DNAH11: variants seen among roughly 807,000 people sequenced by gnomAD.
The protein encoded by DNAH11 is axonemal beta dynein heavy chain 11.
DNAH11 carries 442 observed loss-of-function variants against 526.0 expected under a neutral mutation model. That is an observed-to-expected ratio of 0.84 (90% CI 0.78 to 0.91). The LOEUF (loss-of-function observed/expected upper bound fraction) is 0.91, where lower values mean the gene tolerates loss of function less well. DNAH11 is among the 40% of genes least tolerant of loss of function. The pLI is 0.00. For missense variants in DNAH11, 6,989 were observed against 5,448.7 expected (o/e 1.28, Z -8.90); for synonymous variants, 2,461 against 1,935.9 (o/e 1.27, Z -7.12).
At chr7:21,676,118 T>C (rs996239487) in intron 30 of DNAH11, among the ~76,000 whole-genome samples, 4 of 152,158 alleles carry the variant, frequency 2.6e-5, no homozygotes, top group Non-Finnish European at 5.9e-5. Flanking sequence ...TGGAAGACTT[T>C]GTGCTCCAGG....
chr7:21,690,325 A>T (rs1296263628), intron 34 of DNAH11, among the ~76,000 whole-genome samples: 2 of 152,204 alleles, frequency 1.3e-5, no homozygotes, highest in Admixed American at 6.5e-5. Flanking sequence ...GGAGGGAAAG[A>T]GGAAGAGAAG....
chr7:21,813,790 A>G (rs1369975282), intron 63 of DNAH11, among the ~76,000 whole-genome samples: 2 of 152,204 alleles, frequency 1.3e-5, no homozygotes, highest in South Asian at 4.1e-4. Context: ...GAGCCTTACA[A>G]CAGTCTGACT....
chr7:21,823,036 G>A (rs1790123234), intron 65 of DNAH11, among the ~76,000 whole-genome samples: 1 of 130,312 alleles, frequency 7.7e-6, no homozygotes, highest in South Asian at 2.5e-4. Flanking sequence ...TTGATCAGAA[G>A]GATAGTTTGC....
At chr7:21,819,684 C>G (rs1789969980) in intron 65 of DNAH11, among the ~76,000 whole-genome samples, 1 of 152,102 alleles carries the variant, frequency 6.6e-6, no homozygotes, top group African/African-American at 2.4e-5. Flanking sequence ...ACTCTTATTA[C>G]ATATATAGTT....
At position 21,594,098 on chromosome 7, in the gene DNAH11, A is replaced by T. The variant is rs62441723; in HGVS notation, c.2667+2521A>T. Among the ~76,000 whole-genome samples, 935 of 148,070 alleles carry T rather than the reference A, an allele frequency of 6.3e-3. 7 individuals carry two copies. Among genetic ancestry groups the T allele is most frequent in the African/African-American group, 0.015 (596 of 39,888 alleles). ...CACACACACACACACACACACACAC[A>T]CTCTGAAGCCATCATGAAGTAGCAC... On this transcript the variant is annotated intron_variant, in intron 14 of 81. Coordinates refer to ENST00000409508, the MANE Select transcript of DNAH11 (RefSeq NM_001277115.2).
chr7:21,568,978 G>A (rs77278660), intron 6 of DNAH11, among the ~76,000 whole-genome samples: 18,851 of 152,130 alleles, frequency 0.12, 2,346 homozygotes, highest in African/African-American at 0.31. Flanking sequence ...GCACCCTCAT[G>A]TGGAGGTTAA....
intron 62 of DNAH11, among the ~76,000 whole-genome samples, chr7:21,806,733 C>G (rs187380868): frequency 6.6e-6 from 1 of 152,226 alleles, no homozygotes; most frequent in Non-Finnish European, 1.5e-5. Flanking sequence ...TTTTAGCGTA[C>G]ATTGAAACAA....
At position 21,590,947 on chromosome 7, in the gene DNAH11, T is replaced by C. The variant is rs2128443515; in HGVS notation, c.2199T>C (p.Tyr733=). 1 of 1,498,576 alleles carries C rather than the reference T, an allele frequency of 6.7e-7. No homozygotes were observed. The highest frequency in any genetic ancestry group is 8.8e-7 in the Non-Finnish European group (1 of 1,133,762). 92.8% of individuals were successfully genotyped at this position (1,498,576 alleles called of 1,614,324 possible). ...KLVAVLREVK[Y]LLMLKKQDIP... is the part of the protein sequence containing the mutation. ...TGGCTGTATTGAGAGAAGTGAAATA[T>C]CTTTTGATGTTGAAGAAACAAGACA... is the stretch of plus-strand genomic sequence containing the variant. Residue 733 remains tyrosine (Y), a synonymous_variant, in exon 13 of 82, where the codon TAT becomes TAC. Transcript: ENST00000409508.
At chr7:21,755,564 A>G (rs1786594510) in intron 54 of DNAH11, among the ~76,000 whole-genome samples, 1 of 152,180 alleles carries the variant, frequency 6.6e-6, no homozygotes, top group Non-Finnish European at 1.5e-5. Flanking sequence ...TTCATTGGAG[A>G]GAATTTAAAA....
chr7:21,883,724 A>T (rs964690608), intron 75 of DNAH11, among the ~76,000 whole-genome samples: 2 of 152,172 alleles, frequency 1.3e-5, no homozygotes, highest in African/African-American at 4.8e-5. Flanking sequence ...AACATGTTCT[A>T]GGGATGACTC....
At chr7:21,552,714 G>A (rs753852318) in intron 2 of DNAH11, among the ~76,000 whole-genome samples, 2 of 152,068 alleles carry the variant, frequency 1.3e-5, no homozygotes, top group Non-Finnish European at 1.5e-5. Context: ...ACAGTCCAGC[G>A]GTACCATTAT....
rs35003392 is a variant in DNAH11, at chr7:21,868,059, AC to A, written c.11839+57del. The A allele has an allele frequency of 8.2e-3, 9,865 of 1,208,626 alleles. 63 individuals carry two copies. Among genetic ancestry groups the A allele is most frequent in the Middle Eastern group, 0.029 (95 of 3,290 alleles). The allele number at this position is 1,208,626 out of a possible 1,614,324, so 74.9% of individuals were successfully genotyped here. A position where few individuals can be genotyped will look rare whatever the true frequency, so the allele number is the denominator to read the frequency against. On this transcript the variant is annotated intron_variant, in intron 72 of 81. Coordinates refer to ENST00000409508, the MANE Select transcript of DNAH11 (RefSeq NM_001277115.2). ...CGCCCCTTCTCCCTCCCTCCCTTTCACCCCCACCCCTGCCCTTCTTTTCAGT... is the reference window on the plus strand; with the variant it reads ...CGCCCCTTCTCCCTCCCTCCCTTTCACCCCACCCCTGCCCTTCTTTTCAGT...
chr7:21,616,187 T>C (rs192854870), intron 21 of DNAH11, 22 bp from the exon 22 acceptor site: 4 of 1,602,488 alleles, frequency 2.5e-6, no homozygotes, highest in East Asian at 2.2e-5. Flanking sequence ...GTTGACACTT[T>C]TATCTGCTTT....
chr7:21,559,537 T>TTAAAGTC, intron 3 of DNAH11, 66 bp from the exon 4 acceptor site: 1 of 1,297,744 alleles, frequency 7.7e-7, no homozygotes, highest in Admixed American at 2.7e-5. Context: ...AAAATAACTA[T>TTAAAGTC]TAAAGTCTAT....
chr7:21,745,122 C>T, intron 51 of DNAH11, 59 bp downstream of exon 51: 1 of 1,518,668 alleles, frequency 6.6e-7, no homozygotes, highest in Non-Finnish European at 8.9e-7. Flanking sequence ...ATATCCACTA[C>T]TGTCATTTTT....
chr7:21,612,778 A>G (rs1785585079), intron 20 of DNAH11, among the ~76,000 whole-genome samples: 1 of 152,216 alleles, frequency 6.6e-6, no homozygotes, highest in Non-Finnish European at 1.5e-5. Context: ...ATAGATACAA[A>G]CATACTAAAC....
chr7:21,887,872 CAAGCAGCTG>C (rs1337655426), intron 76 of DNAH11, among the ~76,000 whole-genome samples: 1 of 152,110 alleles, frequency 6.6e-6, no homozygotes, highest in Non-Finnish European at 1.5e-5. Context: ...TTAGAGAGGT[CAAGCAGCTG>C]AACCAGAATT....
intron 76 of DNAH11, among the ~76,000 whole-genome samples, chr7:21,886,629 G>A (rs574621701): frequency 9.9e-5 from 15 of 151,766 alleles, no homozygotes; most frequent in Non-Finnish European, 1.2e-4. Flanking sequence ...TGATTTCTCC[G>A]AATGATGGTG....
rs916120290 is a variant in DNAH11, at chr7:21,711,590, C to T, written c.6835-122C>T. On this transcript the variant is annotated intron_variant, in intron 41 of 81. Coordinates refer to ENST00000409508, the MANE Select transcript of DNAH11 (RefSeq NM_001277115.2). ...AGCTTAGATCTTTATTCAGACTGCACTTCTGATTCAGGAGAGTGAGCACAC... is the reference window on the plus strand; with the variant it reads ...AGCTTAGATCTTTATTCAGACTGCATTTCTGATTCAGGAGAGTGAGCACAC... 1.1e-5 allele frequency: 15 copies of T among 1,378,916 alleles called. No individual in the cohort carries two copies. In the African/African-American group the frequency reaches 2.0e-4, roughly 19 times the overall value. 85.4% of individuals were successfully genotyped at this position (1,378,916 alleles called of 1,614,324 possible). A position where few individuals can be genotyped will look rare whatever the true frequency, so the allele number is the denominator to read the frequency against.
Sources: gnomAD v4.1 joint callset for allele counts (sites outside exome capture counted in the v4.1 genomes callset) on GRCh38, gnomAD v4.1.1 for gene constraint, MANE v1.5 for transcripts, NCBI Gene and HGNC (gene_info 2026-07-23, HGNC 2026-07-21) for gene names.